ZNF324: variants seen among roughly 807,000 people sequenced by gnomAD.
The protein encoded by ZNF324 is zinc finger protein 324A.
A neutral mutation model predicts 10.3 loss-of-function variants in ZNF324; 3 were observed. The ratio of observed to expected loss-of-function variants is 0.29; its 90% CI spans 0.13 to 0.75. The LOEUF is 0.75. Among genes scored for constraint, ZNF324 ranks in the 30% least tolerant of loss-of-function variants. The pLI is 0.69. For synonymous variants in ZNF324, 430 were observed against 339.5 expected (o/e 1.27, Z -2.93); for missense variants, 763 against 784.4 (o/e 0.97, Z 0.33).
At position 58,471,154 on chromosome 19, in the gene ZNF324, A is replaced by C; in HGVS notation, c.662A>C (p.His221Pro). The change falls in exon 4 of 4, where the codon CAT becomes CCT. Residue 221 changes from histidine to proline, a missense_variant. Coordinates refer to ENST00000196482, the MANE Select transcript of ZNF324 (RefSeq NM_014347.3). ...CTGGAGGCTGCCGGCGGTCGGGGAC[A>C]TCACCGAATGGGTGCAGTTTGGCAG... ...QDLEAAGGRGHHRMGAVWQEP... is the reference protein window; with the variant it reads ...QDLEAAGGRGPHRMGAVWQEP... 1 of 1,613,766 alleles carries C rather than the reference A, an allele frequency of 6.2e-7. No homozygotes were observed. The highest frequency in any genetic ancestry group is 1.7e-5 in the Admixed American group (1 of 60,032).
Position 58,471,247 on chromosome 19 carries a change from C to T in ZNF324, c.755C>T (p.Ala252Val), listed in dbSNP as rs1319818871. ...TWDELGEALH[A>V]GEKSFECRAC... is the part of the protein sequence containing the mutation. ...GACGAGCTGGGCGAGGCTCTTCACG[C>T]TGGGGAGAAGTCCTTCGAATGCAGG... The change falls in exon 4 of 4, where the codon GCT (alanine) becomes GTT (valine). Residue 252 changes from alanine to valine, a missense_variant. Ala to Val is a moderately conservative substitution (Grantham distance 64, BLOSUM62 0). Coordinates refer to ENST00000196482, the MANE Select transcript of ZNF324 (RefSeq NM_014347.3). 1 of 1,613,474 alleles carries T rather than the reference C, an allele frequency of 6.2e-7. No homozygotes were observed. Among genetic ancestry groups the T allele is most frequent in the Non-Finnish European group, 8.5e-7 (1 of 1,179,936 alleles).
rs374200034 is a variant in ZNF324 at position 58,472,167 on chromosome 19, C to A, written c.*13C>A. 4.1e-5 allele frequency: 63 copies of A among 1,553,176 alleles called. No individual in the cohort carries two copies. The African/African-American group carries it at 7.7e-4, about 19-fold the overall frequency. On this transcript the variant is annotated 3_prime_UTR_variant, in exon 4 of 4. Transcript: ENST00000196482. Reference sequence around the variant, plus strand: ...AGCGGAGGTCTGAGGTCACAGGTTGCAGCCCTGGCCTTCTGTGAATCCCTT... The same window carrying A: ...AGCGGAGGTCTGAGGTCACAGGTTGAAGCCCTGGCCTTCTGTGAATCCCTT...
intron 1 of ZNF324, 39 bp from the exon 2 acceptor site, chr19:58,469,141 C>A (rs531967011): frequency 2.5e-6 from 4 of 1,613,672 alleles, no homozygotes; most frequent in Admixed American, 1.7e-5. Flanking sequence ...GATAACCCAG[C>A]CTTAGACCAT....
rs1409798462 is a variant in ZNF324, at chr19:58,474,321, A to G, written c.*2167A>G. On this transcript the variant is annotated 3_prime_UTR_variant, in exon 4 of 4. Transcript: ENST00000196482. ...GAGTCAGGAGCAAAAGCATCTGTCA[A>G]ACAAGTAGATACCCAGAGAGTCACG... The G allele has an allele frequency of 2.0e-5, 3 of 152,122 alleles. No homozygotes were observed. Among genetic ancestry groups the G allele is most frequent in the Non-Finnish European group, 4.4e-5 (3 of 68,018 alleles). 9.4% of individuals were successfully genotyped at this position (152,122 alleles called of 1,614,324 possible).
At position 58,475,056 on chromosome 19, in the gene ZNF324, T is replaced by C. The variant is rs954717787; in HGVS notation, c.*2902T>C. On this transcript the variant is annotated 3_prime_UTR_variant, in exon 4 of 4. Coordinates refer to ENST00000196482, the MANE Select transcript of ZNF324 (RefSeq NM_014347.3). ...TGGAGGGTGAAAGTTTTTGTTTTTT[T>C]TTCCTTCTGGGACTCTGCATAGTCC... 1 of 152,132 alleles carries C rather than the reference T, an allele frequency of 6.6e-6. No homozygotes were observed. The highest frequency in any genetic ancestry group is 2.4e-5 in the African/African-American group (1 of 41,422). 9.4% of individuals were successfully genotyped at this position (152,132 alleles called of 1,614,324 possible).
chr19:58,469,041 A>G, intron 1 of ZNF324, 139 bp from the exon 2 acceptor site: 1 of 996,780 alleles, frequency 1.0e-6, no homozygotes, highest in Non-Finnish European at 1.5e-6. Flanking sequence ...TATTTTTTTT[A>G]GCTCATCAGC....
In ZNF324 at chr19:58,473,885, G is replaced by A. The variant is rs1054788286; in HGVS notation, c.*1731G>A. The stretch of plus-strand genomic sequence containing the variant: ...TGCTAGATGAGTCCTGGTGGATCCT[G>A]GCAATGGGAGGATGGTAGGTGGAGA... On this transcript the variant is annotated 3_prime_UTR_variant, in exon 4 of 4. Coordinates refer to ENST00000196482, the MANE Select transcript of ZNF324 (RefSeq NM_014347.3). 1.3e-5 allele frequency: 2 copies of A among 152,372 alleles called. No homozygotes were observed. Among genetic ancestry groups the A allele is most frequent in the African/African-American group, 4.8e-5 (2 of 41,442 alleles). The allele number at this position is 152,372 out of a possible 1,614,324, so 9.4% of individuals were successfully genotyped here.
At position 58,474,888 on chromosome 19, in the gene ZNF324, AGAG is replaced by A. The variant is rs1449772432; in HGVS notation, c.*2738_*2740del. On this transcript the variant is annotated 3_prime_UTR_variant, in exon 4 of 4. Transcript: ENST00000196482. ...AAAATACTACGTGGCGACTTGGCGA[AGAG>A]GAGAGAGTTCCCACCAGGCTGACTC... The A allele has an allele frequency of 6.6e-6, 1 of 152,308 alleles. No individual in the cohort carries two copies. Among genetic ancestry groups the A allele is most frequent in the Non-Finnish European group, 1.5e-5 (1 of 68,026 alleles). 9.4% of individuals were successfully genotyped at this position (152,308 alleles called of 1,614,324 possible). A position where few individuals can be genotyped will look rare whatever the true frequency, so the allele number is the denominator to read the frequency against.
rs2053046257 is a variant in ZNF324 at position 58,472,503 on chromosome 19, T to G, written c.*349T>G. The G allele has an allele frequency of 3.8e-6, 1 of 262,552 alleles. No individual in the cohort carries two copies. Among genetic ancestry groups the G allele is most frequent in the East Asian group, 7.3e-5 (1 of 13,780 alleles). 16.3% of individuals were successfully genotyped at this position (262,552 alleles called of 1,614,324 possible). A position where few individuals can be genotyped will look rare whatever the true frequency, so the allele number is the denominator to read the frequency against. Reference sequence around the variant, plus strand: ...ACAGTGGATGCTAAGGTGAGAGGGATGCAGGCATGGGTTGGGGGTGGCCCA... The same window carrying G: ...ACAGTGGATGCTAAGGTGAGAGGGAGGCAGGCATGGGTTGGGGGTGGCCCA... On this transcript the variant is annotated 3_prime_UTR_variant, in exon 4 of 4. Transcript: ENST00000196482.
chr19:58,468,204 G>A, intron 1 of ZNF324: 10 of 985,376 alleles, frequency 1.0e-5, no homozygotes, highest in African/African-American at 1.7e-5. Context: ...CATGTCACTG[G>A]ACCTGACGTT....
At chr19:58,467,782 C>A (rs945475589) in intron 1 of ZNF324, 1 of 151,690 alleles carries the variant, frequency 6.6e-6, no homozygotes. Flanking sequence ...TGAGCTCTCT[C>A]GATGTGGAGC....
Position 58,470,766 on chromosome 19 carries a change from G to C in ZNF324, c.274G>C (p.Gly92Arg). 6.2e-7 allele frequency: 1 copy of C among 1,614,214 alleles called. No homozygotes were observed. The highest frequency in any genetic ancestry group is 1.1e-5 in the South Asian group (1 of 91,084). The change falls in exon 4 of 4, where the codon GGA becomes CGA. Residue 92 changes from glycine (G) to arginine (R), a missense_variant. Gly to Arg is a moderately radical substitution (Grantham distance 125, BLOSUM62 -2). Coordinates refer to ENST00000196482, the MANE Select transcript of ZNF324 (RefSeq NM_014347.3). ...WSLTEDRDVS[G>R]EWPRAFPDTP... is the part of the protein sequence containing the mutation. ...TTTGACAGAGGATAGAGATGTTTCT[G>C]GAGAATGGCCACGAGCTTTCCCAGA...
intron 1 of ZNF324, among the ~76,000 whole-genome samples, chr19:58,467,920 C>T (rs749335699): frequency 2.0e-4 from 30 of 151,922 alleles, no homozygotes; most frequent in Admixed American, 4.6e-4. Flanking sequence ...AACGGTTCCA[C>T]CGTTTGTTGC....
At position 58,471,072 on chromosome 19, in the gene ZNF324, C is replaced by T. The variant is rs566407024; in HGVS notation, c.580C>T (p.Arg194Trp). 6.2e-6 allele frequency: 10 copies of T among 1,613,846 alleles called. No individual in the cohort carries two copies. In the Admixed American group the frequency reaches 8.3e-5, roughly 13 times the overall value. Reference sequence around the variant, plus strand: ...GGGGAGGCAGCCCAGGACGCCTGAGCGGCAGAAACCATGTGCACAGGAGGT... The same window carrying T: ...GGGGAGGCAGCCCAGGACGCCTGAGTGGCAGAAACCATGTGCACAGGAGGT... ...LLGRQPRTPE[R>W]QKPCAQEVPG... is the part of the protein sequence containing the mutation. Residue 194 changes from arginine (R) to tryptophan (W), a missense_variant, in exon 4 of 4, where the codon CGG becomes TGG. By Grantham distance (101) the Arg-to-Trp change is moderately radical. Transcript: ENST00000196482.
In ZNF324 at chr19:58,469,828, C is replaced by T. The variant is rs1599996357; in HGVS notation, c.222C>T (p.Tyr74=). 1.3e-6 allele frequency: 2 copies of T among 1,599,868 alleles called. No homozygotes were observed. Among genetic ancestry groups the T allele is most frequent in the Non-Finnish European group, 1.7e-6 (2 of 1,173,228 alleles). Residue 74 remains tyrosine, a synonymous_variant, in exon 3 of 4, where the codon TAC becomes TAT. Transcript: ENST00000196482. ...ACACAACCCTGTCCAGGACCACCTA[C>T]AGGAGGCGCAACCCTGGTGAGAGGG... ...GTDTTLSRTT[Y]RRRNPGSWSL...
chr19:58,472,007 C>T lies in ZNF324; in HGVS notation c.1515C>T (p.Gly505=), dbSNP rs1295310005. ...ALFHHQRIHT[G]EKTVRRSRAS... ...TCCACCACCAGAGGATCCATACCGG[C>T]GAGAAGACCGTCCGGCGATCCAGGG... The change falls in exon 4 of 4, where the codon GGC becomes GGT. Residue 505 remains glycine (G), a synonymous_variant. Coordinates refer to ENST00000196482, the MANE Select transcript of ZNF324 (RefSeq NM_014347.3). 5.0e-6 allele frequency: 8 copies of T among 1,607,962 alleles called. No individual in the cohort carries two copies. Among genetic ancestry groups the T allele is most frequent in the Non-Finnish European group, 6.8e-6 (8 of 1,179,694 alleles).
rs558005082 is a variant in ZNF324 at position 58,470,513 on chromosome 19, C to T, written c.239-218C>T. ...CACATCCTGGGTGTCGGGGGGCTGCCACCTTGATCATGGGAGTGCCCAGTG... is the reference window on the plus strand; with the variant it reads ...CACATCCTGGGTGTCGGGGGGCTGCTACCTTGATCATGGGAGTGCCCAGTG... On this transcript the variant is annotated intron_variant, in intron 3 of 3. Transcript: ENST00000196482. 5 of 666,410 alleles carry T rather than the reference C, an allele frequency of 7.5e-6. No individual in the cohort carries two copies. The Admixed American group carries it at 9.1e-5, about 12-fold the overall frequency. 41.3% of individuals were successfully genotyped at this position (666,410 alleles called of 1,614,324 possible).
rs373239009 is a variant in ZNF324 at position 58,469,160 on chromosome 19, C to T, written c.-6-20C>T. The T allele has an allele frequency of 1.1e-4, 172 of 1,614,018 alleles. No homozygotes were observed. Among genetic ancestry groups the T allele is most frequent in the Non-Finnish European group, 1.4e-4 (163 of 1,180,028 alleles). On this transcript the variant is annotated intron_variant, in intron 1 of 3. Coordinates refer to ENST00000196482, the MANE Select transcript of ZNF324 (RefSeq NM_014347.3). The stretch of plus-strand genomic sequence containing the variant: ...ACCCAGCCTTAGACCATGGCTGTCT[C>T]TTCCTCCCTGCTCTTTTAGGACCAG...
chr19:58,469,851 G>C lies in ZNF324; in HGVS notation c.238+7G>C, dbSNP rs767175589. ...TACAGGAGGCGCAACCCTGGTGAGAGGGAGCTCAGGGTGGGGTGAATTCAG... is the reference window on the plus strand; with the variant it reads ...TACAGGAGGCGCAACCCTGGTGAGACGGAGCTCAGGGTGGGGTGAATTCAG... On this transcript the variant is annotated splice_region_variant and intron_variant, in intron 3 of 3. Coordinates refer to ENST00000196482, the MANE Select transcript of ZNF324 (RefSeq NM_014347.3). The C allele has an allele frequency of 6.3e-7, 1 of 1,591,896 alleles. No homozygotes were observed. The highest frequency in any genetic ancestry group is 8.6e-7 in the Non-Finnish European group (1 of 1,168,766).
Sources: gnomAD v4.1 joint callset for allele counts (sites outside exome capture counted in the v4.1 genomes callset) on GRCh38, gnomAD v4.1.1 for gene constraint, MANE v1.5 for transcripts, NCBI Gene and HGNC (gene_info 2026-07-23, HGNC 2026-07-21) for gene names.